ANAPC1: variants seen among roughly 807,000 people sequenced by gnomAD.
The protein encoded by ANAPC1 is anaphase promoting complex subunit 1.
A neutral mutation model predicts 208.0 loss-of-function variants in ANAPC1; 36 were observed. The ratio of observed to expected loss-of-function variants is 0.17; its 90% confidence interval spans 0.13 to 0.23. The LOEUF is 0.23. Ranked by LOEUF, ANAPC1 falls within the 10% of genes least tolerant of loss-of-function variation. ANAPC1 has a pLI of 1.00. For missense variants in ANAPC1, 942 were observed against 2,011.6 expected (o/e 0.47, Z 10.17); for synonymous variants, 378 against 695.2 (o/e 0.54, Z 7.18).
At chr2:111,819,028 G>C (rs1363760991) in intron 26 of ANAPC1, 70 bp from the exon 27 acceptor site, 1 of 1,575,464 alleles carries the variant, frequency 6.3e-7, no homozygotes, top group East Asian at 2.3e-5. Flanking sequence ...TCATCTGTAA[G>C]TATTTCAAAA....
intron 13 of ANAPC1, among the ~76,000 whole-genome samples, chr2:111,852,061 G>C (rs1681432625): frequency 6.6e-6 from 1 of 150,936 alleles, no homozygotes; most frequent in Non-Finnish European, 1.5e-5. Flanking sequence ...AAAAATAACA[G>C]TGAGAACTAA....
At chr2:111,844,326 T>A (rs375901154) in intron 16 of ANAPC1, among the ~76,000 whole-genome samples, 1 of 151,622 alleles carries the variant, frequency 6.6e-6, no homozygotes, top group Non-Finnish European at 1.5e-5. Flanking sequence ...CTAAGCACTT[T>A]GCGAGGTCAA....
Position 111,878,937 on chromosome 2 carries a change from A to G in ANAPC1, c.248T>C (p.Ile83Thr), listed in dbSNP as rs776248018. The change falls in exon 3 of 48, where the codon ATT (isoleucine) becomes ACT (threonine). Residue 83 changes from isoleucine (I) to threonine (T), a missense_variant. Physicochemically the swap from Ile to Thr is moderately conservative, Grantham distance 89. Transcript: ENST00000341068. The stretch of plus-strand genomic sequence containing the variant: ...CTCATCATAGTCCACATCTTCTCCA[A>G]TTTCACTTACTCCTTTCCTTAACTG... ...SWQLRKGVSE[I>T]GEDVDYDEEL... 17 of 1,588,902 alleles carry G rather than the reference A, an allele frequency of 1.1e-5. No homozygotes were observed. In the African/African-American group the frequency reaches 1.8e-4, roughly 17 times the overall value.
chr2:111,824,329 CT>C (rs1025407551), intron 24 of ANAPC1, among the ~76,000 whole-genome samples: 3 of 148,034 alleles, frequency 2.0e-5, no homozygotes, highest in African/African-American at 7.4e-5. Flanking sequence ...TTCATTAAAA[CT>C]TTACTTTTTA....
intron 17 of ANAPC1, among the ~76,000 whole-genome samples, chr2:111,838,911 T>C (rs1680616254): frequency 6.6e-6 from 1 of 152,208 alleles, no homozygotes; most frequent in Non-Finnish European, 1.5e-5. Context: ...CAAACATTTA[T>C]TTACAGTCCA....
Position 111,800,780 on chromosome 2 carries a change from T to G in ANAPC1, c.4296+17A>C. The G allele has an allele frequency of 2.0e-6, 1 of 512,132 alleles. No homozygotes were observed. Among genetic ancestry groups the G allele is most frequent in the Admixed American group, 3.8e-5 (1 of 25,976 alleles). 31.7% of individuals were successfully genotyped at this position (512,132 alleles called of 1,614,324 possible). A position where few individuals can be genotyped will look rare whatever the true frequency, so the allele number is the denominator to read the frequency against. On this transcript the variant is annotated intron_variant, in intron 34 of 47. Coordinates refer to ENST00000341068, the MANE Select transcript of ANAPC1 (RefSeq NM_022662.4). ...TTTTATGCTACTAAAGATATAATAT[T>G]TATTATATGTACTTACTTGAGGAAC...
At chr2:111,794,642 A>T (rs1678063282) in intron 35 of ANAPC1, among the ~76,000 whole-genome samples, 176 bp downstream of exon 35, 1 of 152,244 alleles carries the variant, frequency 6.6e-6, no homozygotes, top group Non-Finnish European at 1.5e-5. Flanking sequence ...TGAGGGCAAG[A>T]GCTCTATACT....
intron 43 of ANAPC1, among the ~76,000 whole-genome samples, chr2:111,780,948 A>G (rs1677239918): frequency 7.0e-6 from 1 of 141,950 alleles, no homozygotes; most frequent in South Asian, 2.2e-4. Flanking sequence ...TTATTGTTGC[A>G]GGTATAGATC....
rs754895291 is a variant in ANAPC1 at position 111,838,455 on chromosome 2, C to T, written c.2098G>A (p.Glu700Lys). 6.2e-7 allele frequency: 1 copy of T among 1,606,340 alleles called. No individual in the cohort carries two copies. The highest frequency in any genetic ancestry group is 2.2e-5 in the East Asian group (1 of 44,664). The change falls in exon 18 of 48, where the codon GAG becomes AAG. Residue 700 changes from glutamate (E) to lysine (K), a missense_variant. Glu to Lys is a moderately conservative substitution (Grantham distance 56). Coordinates refer to ENST00000341068, the MANE Select transcript of ANAPC1 (RefSeq NM_022662.4). ...ATGCTTACATCATCAGATCCAGTCT[C>T]GGAAGGCCTTGCTTTTTTGGGCGCA... ...VIAPKKARPS[E>K]TGSDDDWEYL...
intron 21 of ANAPC1, among the ~76,000 whole-genome samples, chr2:111,826,498 T>C (rs1344452930): frequency 2.0e-5 from 3 of 152,170 alleles, no homozygotes; most frequent in Non-Finnish European, 4.4e-5. Context: ...GCATAAGTCT[T>C]TGAGATTCAT....
In ANAPC1 at chr2:111,878,086, TG is replaced by T. The variant is rs1429492496; in HGVS notation, c.375+723del. ...AATAACTCCAAAGTAGAGGTACATT[TG>T]TTCCTTCACATTTACCAGGTAATCC... On this transcript the variant is annotated intron_variant, in intron 3 of 47. Transcript: ENST00000341068. Among the ~76,000 whole-genome samples, 7 of 152,326 alleles carry T rather than the reference TG, an allele frequency of 4.6e-5. No individual in the cohort carries two copies. In the East Asian group the frequency reaches 1.3e-3, roughly 29 times the overall value.
intron 21 of ANAPC1, among the ~76,000 whole-genome samples, chr2:111,830,740 T>A (rs2104456407): frequency 6.6e-6 from 1 of 152,262 alleles, no homozygotes; most frequent in African/African-American, 2.4e-5. Context: ...AGAGTGACAA[T>A]ACCAAACACC....
At position 111,812,314 on chromosome 2, in the gene ANAPC1, A is replaced by G. The variant is rs1679039210; in HGVS notation, c.3597+3056T>C. ...GCAGGCAGCTTTACAGGTCACTGAGACATTTGGAGATGAAATGTTTATCTT... is the reference window on the plus strand; with the variant it reads ...GCAGGCAGCTTTACAGGTCACTGAGGCATTTGGAGATGAAATGTTTATCTT... On this transcript the variant is annotated intron_variant, in intron 28 of 47. Coordinates refer to ENST00000341068, the MANE Select transcript of ANAPC1 (RefSeq NM_022662.4). Among the ~76,000 whole-genome samples the G allele has an allele frequency of 7.5e-5, 6 of 80,276 alleles. 2 individuals carry two copies. Among genetic ancestry groups the G allele is most frequent in the African/African-American group, 3.0e-4 (6 of 20,290 alleles). The allele number at this position is 80,276 out of a possible 152,430, so 52.7% of individuals were successfully genotyped here.
intron 21 of ANAPC1, among the ~76,000 whole-genome samples, chr2:111,826,246 G>A (rs1295997738): frequency 6.6e-6 from 1 of 152,090 alleles, no homozygotes; most frequent in Non-Finnish European, 1.5e-5. Flanking sequence ...TCCATTTTAG[G>A]TGTACAGCTC....
At chr2:111,846,182 C>T (rs1043713496) in intron 16 of ANAPC1, among the ~76,000 whole-genome samples, 4 of 152,006 alleles carry the variant, frequency 2.6e-5, no homozygotes, top group South Asian at 2.1e-4. Context: ...TCTTAACCTA[C>T]GTTTGTTGGC....
chr2:111,846,867 G>A (rs2104509603), intron 16 of ANAPC1, among the ~76,000 whole-genome samples: 1 of 151,994 alleles, frequency 6.6e-6, no homozygotes, highest in Admixed American at 6.6e-5. Flanking sequence ...ACCATGCCCA[G>A]CAGGCATGTC....
intron 10 of ANAPC1, among the ~76,000 whole-genome samples, chr2:111,861,171 G>A (rs1434756090): frequency 6.6e-6 from 1 of 152,124 alleles, no homozygotes; most frequent in African/African-American, 2.4e-5. Context: ...CAACTCCCAG[G>A]TTCAAATGAC....
chr2:111,770,014 A>C (rs2104452579), intron 47 of ANAPC1, among the ~76,000 whole-genome samples: 1 of 150,480 alleles, frequency 6.6e-6, no homozygotes, highest in East Asian at 1.9e-4. Flanking sequence ...AAAATCCCAA[A>C]TCCAAAATGC....
chr2:111,866,911 A>C (rs1420875130), intron 7 of ANAPC1, among the ~76,000 whole-genome samples: 1 of 152,160 alleles, frequency 6.6e-6, no homozygotes, highest in African/African-American at 2.4e-5. Context: ...TCTGTAAAAG[A>C]TCAAAGACTA....
Sources: allele counts gnomAD v4.1 joint callset (sites outside exome capture counted in the v4.1 genomes callset), GRCh38; gene constraint gnomAD v4.1.1; transcripts MANE v1.5; gene names NCBI Gene and HGNC (gene_info 2026-07-23, HGNC 2026-07-21).